DAB1: variants seen among roughly 807,000 people sequenced by gnomAD.
DAB1 encodes disabled homolog 1.
In DAB1, 15 loss-of-function variants were observed where a neutral mutation model predicts 64.6. The ratio of observed to expected loss-of-function variants is 0.23; its 90% CI spans 0.16 to 0.36. The LOEUF is 0.36. Ranked by LOEUF, DAB1 falls within the 10% of genes least tolerant of loss-of-function variation. DAB1 has a pLI of 1.00. For missense variants in DAB1, 596 were observed against 706.7 expected, an observed-to-expected ratio of 0.84 and a Z score of 1.78; for synonymous variants, 235 against 251.9, an observed-to-expected ratio of 0.93 and a Z score of 0.64.
intron 7 of DAB1, among the ~76,000 whole-genome samples, chr1:57,559,201 GA>G (rs2101499561): frequency 6.6e-6 from 1 of 152,284 alleles, no homozygotes; most frequent in African/African-American, 2.4e-5. Context: ...AGTGTTCCTA[GA>G]AGTGAAATTG....
At chr1:57,359,510 C>T (rs1679379315) in intron 1 of DAB1, among the ~76,000 whole-genome samples, 1 of 151,998 alleles carries the variant, frequency 6.6e-6, no homozygotes, top group Non-Finnish European at 1.5e-5. Context: ...TTAGTACAGC[C>T]ATTGTGGAAA....
chr1:58,444,339 G>C (rs974381058), intron 3 of DAB1, among the ~76,000 whole-genome samples: 3 of 152,196 alleles, frequency 2.0e-5, no homozygotes, highest in Non-Finnish European at 4.4e-5. Flanking sequence ...TCACATCAAC[G>C]GTATAAGGTA....
intron 9 of DAB1, among the ~76,000 whole-genome samples, chr1:57,044,963 A>C (rs566207087): frequency 1.5e-4 from 23 of 152,196 alleles, no homozygotes; most frequent in Non-Finnish European, 3.1e-4. Context: ...TAATTATCGC[A>C]ACAAACGTGA....
At chr1:58,410,674 G>A (rs338903) in intron 3 of DAB1, among the ~76,000 whole-genome samples, 23,569 of 152,166 alleles carry the variant, frequency 0.15, 2,315 homozygotes, top group Non-Finnish European at 0.22. Context: ...CCAACATGCT[G>A]TGATGCCCCC....
At chr1:58,328,178 TG>T (rs1432979199) in intron 4 of DAB1, among the ~76,000 whole-genome samples, 2 of 152,246 alleles carry the variant, frequency 1.3e-5, no homozygotes, top group Non-Finnish European at 2.9e-5. Flanking sequence ...CCTTCACATG[TG>T]TGGATCCCTA....
chr1:57,716,319 A>C (rs1419943943), intron 6 of DAB1, among the ~76,000 whole-genome samples: 1 of 152,248 alleles, frequency 6.6e-6, no homozygotes, highest in African/African-American at 2.4e-5. Flanking sequence ...CTGGGGCATC[A>C]TATTACCTGA....
intron 4 of DAB1, among the ~76,000 whole-genome samples, chr1:58,309,562 C>CA (rs747446176): frequency 6.6e-6 from 1 of 152,126 alleles, no homozygotes; most frequent in Middle Eastern, 3.2e-3. Flanking sequence ...TACATAACCA[C>CA]AAAAAACTAT....
intron 1 of DAB1, among the ~76,000 whole-genome samples, chr1:57,361,372 C>T (rs193297909): frequency 1.1e-4 from 17 of 152,242 alleles, no homozygotes; most frequent in Middle Eastern, 3.4e-3. Context: ...AATATGACCA[C>T]ATATGTATGT....
At chr1:58,013,739 C>A (rs1444756036) in intron 5 of DAB1, among the ~76,000 whole-genome samples, 1 of 152,152 alleles carries the variant, frequency 6.6e-6, no homozygotes, top group Non-Finnish European at 1.5e-5. Flanking sequence ...CACACCAGCT[C>A]AAGAGAGTCA....
chr1:57,799,592 G>T (rs1020886798), intron 6 of DAB1, among the ~76,000 whole-genome samples: 60 of 151,242 alleles, frequency 4.0e-4, no homozygotes, highest in African/African-American at 4.6e-4. Flanking sequence ...ATCTGGGGGG[G>T]GCTTTCAGGA....
intron 7 of DAB1, among the ~76,000 whole-genome samples, chr1:57,559,702 T>A (rs1331916207): frequency 6.6e-6 from 1 of 152,148 alleles, no homozygotes; most frequent in Non-Finnish European, 1.5e-5. Context: ...CCAGAATGCG[T>A]AATTGGCACA....
chr1:58,121,455 T>G (rs1001494638), intron 5 of DAB1, among the ~76,000 whole-genome samples: 6 of 152,168 alleles, frequency 3.9e-5, no homozygotes, highest in African/African-American at 1.4e-4. Flanking sequence ...CCCATCTTAT[T>G]TCTCCATTTC....
chr1:58,540,205 G>A (rs1646585134), intron 1 of DAB1, among the ~76,000 whole-genome samples: 1 of 151,888 alleles, frequency 6.6e-6, no homozygotes, highest in African/African-American at 2.4e-5. Flanking sequence ...ACCGAAAGCT[G>A]CTCTGGCCCC....
intron 1 of DAB1, among the ~76,000 whole-genome samples, chr1:57,864,251 G>T (rs1302607926): frequency 6.6e-6 from 1 of 152,118 alleles, no homozygotes; most frequent in African/African-American, 2.4e-5. Flanking sequence ...TTAGGGAATT[G>T]GGGGTAATGG....
intron 5 of DAB1, among the ~76,000 whole-genome samples, chr1:57,944,990 G>T (rs1444373724): frequency 6.6e-6 from 1 of 152,142 alleles, no homozygotes; most frequent in Admixed American, 6.6e-5. Flanking sequence ...CCTGAAAGTT[G>T]AAAAGGTCTT....
chr1:57,307,187 C>G (rs1430293144), intron 1 of DAB1: 2 of 152,180 alleles, frequency 1.3e-5, no homozygotes, highest in Admixed American at 6.5e-5. Flanking sequence ...CTCTTTTGTG[C>G]TTTCATTTCA....
At chr1:57,668,305 G>A (rs192500866) in intron 6 of DAB1, among the ~76,000 whole-genome samples, 1 of 152,110 alleles carries the variant, frequency 6.6e-6, no homozygotes, top group East Asian at 1.9e-4. Context: ...CTATTGAACA[G>A]CACTGTTCTA....
chr1:58,105,559 G>A (rs1290482132), intron 5 of DAB1, among the ~76,000 whole-genome samples: 5 of 152,100 alleles, frequency 3.3e-5, no homozygotes, highest in African/African-American at 9.7e-5. Flanking sequence ...CAAACATGAG[G>A]AGTTCATCAA....
intron 2 of DAB1, among the ~76,000 whole-genome samples, chr1:57,180,137 T>C (rs903196792): frequency 6.6e-6 from 1 of 152,148 alleles, no homozygotes; most frequent in African/African-American, 2.4e-5. Context: ...GTTTGCAAAC[T>C]TGCTTTGGAA....
Sources: allele counts gnomAD v4.1 joint callset (sites outside exome capture counted in the v4.1 genomes callset), GRCh38; gene constraint gnomAD v4.1.1; transcripts MANE v1.5; gene names NCBI Gene and HGNC (gene_info 2026-07-23, HGNC 2026-07-21).